NCLN: variants seen among roughly 807,000 people sequenced by gnomAD.
NCLN encodes BOS complex subunit NCLN.
A neutral mutation model predicts 69.5 loss-of-function variants in NCLN; 34 were observed. The ratio of observed to expected loss-of-function variants is 0.49; its 90% CI spans 0.37 to 0.65. NCLN has a LOEUF of 0.65. NCLN is among the 30% of genes least tolerant of loss of function. The probability of loss-of-function intolerance (pLI) is 0.00; values close to 1 mark genes in which losing one functional copy is unlikely to be tolerated. For synonymous variants in NCLN, 393 were observed against 358.3 expected (o/e 1.10, Z -1.09); for missense variants, 710 against 804.8 (o/e 0.88, Z 1.42).
chr19:3,205,933 G>C lies in NCLN; in HGVS notation c.1209-6G>C, dbSNP rs375049865. 1.2e-6 allele frequency: 2 copies of C among 1,613,406 alleles called. No homozygotes were observed. The highest frequency in any genetic ancestry group is 2.2e-5 in the South Asian group (2 of 91,072). On this transcript the variant is annotated splice_region_variant and splice_polypyrimidine_tract_variant and intron_variant, in intron 9 of 14. Coordinates refer to ENST00000246117, the MANE Select transcript of NCLN (RefSeq NM_020170.4). This position sits in a 1 kb window ranked among gnomAD's most constrained non-coding sequence, Gnocchi z 4.6. Reference sequence around the variant, plus strand: ...CATTTTAAAACATTGTTTTTGAATCGTGAAGGTCCCGGGTGGATTCTAAGA... The same window carrying C: ...CATTTTAAAACATTGTTTTTGAATCCTGAAGGTCCCGGGTGGATTCTAAGA...
At chr19:3,201,230 G>A (rs887767443) in intron 5 of NCLN, among the ~76,000 whole-genome samples, 5 of 152,324 alleles carry the variant, frequency 3.3e-5, no homozygotes, top group East Asian at 3.9e-4. Context: ...TCCCGGGCGC[G>A]GGCCGAGCCG....
In NCLN at chr19:3,207,638, C is replaced by A; in HGVS notation, c.1642C>A (p.Leu548Ile). Residue 548 changes from leucine (L) to isoleucine (I), a missense_variant, in exon 15 of 15, where the codon CTC becomes ATC. Physicochemically the swap from Leu to Ile is conservative, Grantham distance 5 (BLOSUM62 2). Transcript: ENST00000246117. ...MAYVAVQHFS[L>I]LYKTVQRLLV... The stretch of plus-strand genomic sequence containing the variant: ...CCTGCTGTGTCCCCAGCACTTCAGC[C>A]TCCTCTACAAGACCGTCCAGAGGCT... The A allele has an allele frequency of 6.2e-7, 1 of 1,613,016 alleles. No homozygotes were observed. The highest frequency in any genetic ancestry group is 8.5e-7 in the Non-Finnish European group (1 of 1,179,900).
chr19:3,208,079 A>G lies in NCLN; in HGVS notation c.*391A>G, dbSNP rs1207801918. ...CCTCCGCCCACCGCCTCCTGCCGCA[A>G]GGGGCCTGGACTGCAGGCCTGACCT... On this transcript the variant is annotated 3_prime_UTR_variant, in exon 15 of 15. Transcript: ENST00000246117. The G allele has an allele frequency of 1.2e-5, 3 of 240,560 alleles. No homozygotes were observed. Among genetic ancestry groups the G allele is most frequent in the Admixed American group, 5.1e-5 (1 of 19,648 alleles). The allele number at this position is 240,560 out of a possible 1,614,324, so 14.9% of individuals were successfully genotyped here.
intron 12 of NCLN, 140 bp downstream of exon 12, chr19:3,206,565 G>T: frequency 8.6e-7 from 1 of 1,167,182 alleles, no homozygotes; most frequent in Non-Finnish European, 1.2e-6. Context: ...GGCCGGACAC[G>T]GCGGCTGTGC....
intron 1 of NCLN, 28 bp downstream of exon 1, chr19:3,186,242 C>A: frequency 7.0e-7 from 1 of 1,430,032 alleles, no homozygotes; most frequent in South Asian, 1.4e-5. Flanking sequence ...ACCCTCGGGG[C>A]TCCCCGGGCT....
chr19:3,206,123 C>T, intron 10 of NCLN, 29 bp from the exon 11 acceptor site: 5 of 1,547,958 alleles, frequency 3.2e-6, no homozygotes, highest in African/African-American at 1.4e-5. Flanking sequence ...GGGGCCTGGA[C>T]TCAGGGCCAT....
intron 1 of NCLN, 136 bp downstream of exon 1, chr19:3,186,350 C>T: frequency 9.7e-7 from 1 of 1,036,112 alleles, no homozygotes. Flanking sequence ...GAGGCAGAGC[C>T]CTGCCGCCCT....
Position 3,207,690 on chromosome 19 carries a change from A to C in NCLN, c.*2A>C, listed in dbSNP as rs973505862. 30 of 1,611,472 alleles carry C rather than the reference A, an allele frequency of 1.9e-5. No individual in the cohort carries two copies. In the Admixed American group the frequency reaches 2.2e-4, roughly 12 times the overall value. On this transcript the variant is annotated 3_prime_UTR_variant, in exon 15 of 15. Coordinates refer to ENST00000246117, the MANE Select transcript of NCLN (RefSeq NM_020170.4). ...CTCGTGAAGGCCAAGACACAGTGAC[A>C]CAGCCACCCCCACAGCCGGAGCCCC...
At chr19:3,186,390 C>T (rs891675708) in intron 1 of NCLN, among the ~76,000 whole-genome samples, 176 bp downstream of exon 1, 18 of 152,220 alleles carry the variant, frequency 1.2e-4, no homozygotes, top group African/African-American at 1.7e-4. Context: ...AATCCCTGCT[C>T]TCCTTGCCTA....
chr19:3,201,469 G>A, intron 5 of NCLN, 54 bp from the exon 6 acceptor site: 1 of 1,326,364 alleles, frequency 7.5e-7, no homozygotes, highest in Non-Finnish European at 1.0e-6. Flanking sequence ...GGAGGTCATG[G>A]GGTGCGGGAG....
At chr19:3,197,530 C>T (rs1156671836) in intron 4 of NCLN, among the ~76,000 whole-genome samples, 2 of 152,216 alleles carry the variant, frequency 1.3e-5, no homozygotes, top group African/African-American at 2.4e-5. Context: ...CAACCTCCGC[C>T]TCCCAGGTTC....
chr19:3,193,408 GCTCCGC>G lies in NCLN; in HGVS notation c.504_509del (p.Ser170_Ala171del). The G allele has an allele frequency of 6.2e-7, 1 of 1,607,496 alleles. No homozygotes were observed. The highest frequency in any genetic ancestry group is 2.2e-5 in the East Asian group (1 of 44,868). On this transcript the variant is annotated inframe_deletion, in exon 3 of 15. Transcript: ENST00000246117. ...ACCCAGGCTGCCTCCGCCTCCCAGG[GCTCCGC>G]CTCTGCTGCTGAAGGTGTGCTCTGG...
chr19:3,204,550 G>T, intron 8 of NCLN, 23 bp from the exon 9 acceptor site: 1 of 1,515,034 alleles, frequency 6.6e-7, no homozygotes, highest in Non-Finnish European at 8.9e-7. Flanking sequence ...CCTGCCCTCT[G>T]CTAATGGCGC....
At chr19:3,195,584 CATTTTT>C (rs1249791988) in intron 3 of NCLN, among the ~76,000 whole-genome samples, 1 of 152,108 alleles carries the variant, frequency 6.6e-6, no homozygotes. Context: ...ATTGTGTTTT[CATTTTT>C]ATTTTATTCT....
In NCLN at chr19:3,193,458, G is replaced by T. The variant is rs377137719; in HGVS notation, c.520+30G>T. The T allele has an allele frequency of 3.8e-6, 6 of 1,562,888 alleles. No homozygotes were observed. In the African/African-American group the frequency reaches 5.4e-5, roughly 14 times the overall value. The stretch of plus-strand genomic sequence containing the variant: ...GCTCTGGGCTGCAGGGACGGGGCCC[G>T]TGGGCGTGGGTGTGGGGAGGCGTCC... On this transcript the variant is annotated intron_variant, in intron 3 of 14. Transcript: ENST00000246117.
In NCLN at chr19:3,206,276, G is replaced by A. The variant is rs1367238500; in HGVS notation, c.1350G>A (p.Glu450=). The A allele has an allele frequency of 3.2e-6, 5 of 1,547,406 alleles. No individual in the cohort carries two copies. In the South Asian group the frequency reaches 6.0e-5, roughly 18 times the overall value. Residue 450 remains glutamate (E), a synonymous_variant, in exon 12 of 15, where the codon GAG becomes GAA. Coordinates refer to ENST00000246117, the MANE Select transcript of NCLN (RefSeq NM_020170.4). ...VFTEQMQIQQ[E]QLDSVMDWLT... ...CGTCCCTACAGCAGATCCAGCAGGAGCAGCTGGACTCGGTGATGGACTGGC... is the reference window on the plus strand; with the variant it reads ...CGTCCCTACAGCAGATCCAGCAGGAACAGCTGGACTCGGTGATGGACTGGC...
At chr19:3,201,470 G>T in intron 5 of NCLN, 53 bp from the exon 6 acceptor site, 1 of 1,334,868 alleles carries the variant, frequency 7.5e-7, no homozygotes, top group Non-Finnish European at 1.0e-6. Flanking sequence ...GAGGTCATGG[G>T]GTGCGGGAGC....
rs754997356 is a variant in NCLN at position 3,205,812 on chromosome 19, A to AT, written c.1209-112dup. ...AGCCAAGTAGTTAAAGCTAAGCTTA[A>AT]TTTTTTTTTTTTTTTAAAGACAGAG... On this transcript the variant is annotated intron_variant, in intron 9 of 14. Transcript: ENST00000246117. The surrounding 1 kb of genome is among the most constrained non-coding windows in gnomAD (Gnocchi z 4.6). 88,560 of 676,122 alleles carry AT rather than the reference A, an allele frequency of 0.13. 444 individuals carry two copies. The highest frequency in any genetic ancestry group is 0.17 in the African/African-American group (9,132 of 53,614). The allele number at this position is 676,122 out of a possible 1,614,324, so 41.9% of individuals were successfully genotyped here.
intron 1 of NCLN, 89 bp downstream of exon 1, chr19:3,186,303 C>T: frequency 7.5e-7 from 1 of 1,328,276 alleles, no homozygotes; most frequent in South Asian, 1.7e-5. Flanking sequence ...TCCCTAGCTC[C>T]GGCCTGGGCT....
Sources: allele counts gnomAD v4.1 joint callset (sites outside exome capture counted in the v4.1 genomes callset), GRCh38; gene constraint gnomAD v4.1.1; non-coding constraint Gnocchi (gnomAD v3.1); transcripts MANE v1.5; gene names NCBI Gene and HGNC (gene_info 2026-07-23, HGNC 2026-07-21).